Variants in SNX8 observed in about 807,000 individuals in gnomAD.
SNX8 encodes sorting nexin-8.
In SNX8, 25 loss-of-function variants were observed where a neutral mutation model predicts 51.6. The ratio of observed to expected loss-of-function variants is 0.48; its 90% CI spans 0.35 to 0.68. The LOEUF is 0.68. SNX8 is among the 30% of genes least tolerant of loss of function. The pLI is 0.00. For missense variants in SNX8, 695 were observed against 624.0 expected (o/e 1.11, Z -1.21); for synonymous variants, 324 against 277.0 (o/e 1.17, Z -1.68).
chr7:2,323,998 T>C (rs1405320406), intron 1 of SNX8, among the ~76,000 whole-genome samples: 1 of 151,886 alleles, frequency 6.6e-6, no homozygotes, highest in East Asian at 1.9e-4. Context: ...TGCATGCTTC[T>C]AGTCCCAGCT....
At chr7:2,264,575 C>T (rs1479211132) in intron 5 of SNX8, 117 bp from the exon 6 acceptor site, 7 of 875,402 alleles carry the variant, frequency 8.0e-6, no homozygotes, top group East Asian at 2.7e-5. Flanking sequence ...CCATGAGCCA[C>T]CCCGGGAGCC....
intron 1 of SNX8, among the ~76,000 whole-genome samples, chr7:2,304,326 C>T (rs886422320): frequency 1.1e-4 from 16 of 151,560 alleles, no homozygotes; most frequent in East Asian, 7.8e-4. Flanking sequence ...GGGCAGATCA[C>T]GAGGTCAGGA....
chr7:2,330,826 G>T (rs553946441), intron 1 of SNX8, among the ~76,000 whole-genome samples: 1 of 152,078 alleles, frequency 6.6e-6, no homozygotes, highest in African/African-American at 2.4e-5. Flanking sequence ...AGTGAAGCAA[G>T]AAAAAGAAAA....
At chr7:2,318,194 G>A (rs1184862806), upstream of SNX8, among the ~76,000 whole-genome samples, 1 of 152,052 alleles carries the variant, frequency 6.6e-6, no homozygotes, top group African/African-American at 2.4e-5. Context: ...TAAGGCACAG[G>A]CCACCATGCC....
chr7:2,304,115 C>T (rs1436917919), intron 1 of SNX8, among the ~76,000 whole-genome samples: 3 of 139,922 alleles, frequency 2.1e-5, no homozygotes, highest in Non-Finnish European at 3.1e-5. Context: ...TGCAGTGAGC[C>T]GAGACTGTGC....
intron 4 of SNX8, 62 bp from the exon 5 acceptor site, chr7:2,269,701 G>T: frequency 1.8e-6 from 2 of 1,137,774 alleles, no homozygotes; most frequent in Non-Finnish European, 2.6e-6. Context: ...CTGCTGTGGG[G>T]TATGGGTCAC....
chr7:2,320,747 G>C (rs951687777), intron 1 of SNX8, among the ~76,000 whole-genome samples: 6 of 151,236 alleles, frequency 4.0e-5, no homozygotes, highest in Non-Finnish European at 5.9e-5. Flanking sequence ...AAGGCCAGGC[G>C]CGGTGGCTCA....
At chr7:2,331,681 G>T (rs1778738798) in intron 1 of SNX8, among the ~76,000 whole-genome samples, 1 of 150,498 alleles carries the variant, frequency 6.6e-6, no homozygotes, top group Non-Finnish European at 1.5e-5. Flanking sequence ...CTCCAGCCTG[G>T]GCAACAGAGT....
intron 1 of SNX8, among the ~76,000 whole-genome samples, chr7:2,296,648 C>T (rs1258948287): frequency 6.6e-6 from 1 of 151,860 alleles, no homozygotes; most frequent in Non-Finnish European, 1.5e-5. Flanking sequence ...TATTTTGAAA[C>T]AGCCGGGTGT....
chr7:2,255,045 A>G lies in SNX8; in HGVS notation c.*11T>C. The G allele has an allele frequency of 6.5e-7, 1 of 1,531,554 alleles. No homozygotes were observed. Among genetic ancestry groups the G allele is most frequent in the African/African-American group, 1.4e-5 (1 of 72,994 alleles). 94.9% of individuals were successfully genotyped at this position (1,531,554 alleles called of 1,614,324 possible). A position where few individuals can be genotyped will look rare whatever the true frequency, so the allele number is the denominator to read the frequency against. ...GTGCGGCCGCAGGGAGCACCACCTCAGCCTCAGGCGCTAGTGAGGACACAG... is the reference window on the plus strand; with the variant it reads ...GTGCGGCCGCAGGGAGCACCACCTCGGCCTCAGGCGCTAGTGAGGACACAG... On this transcript the variant is annotated 3_prime_UTR_variant, in exon 11 of 11. Coordinates refer to ENST00000222990, the MANE Select transcript of SNX8 (RefSeq NM_013321.4).
intron 1 of SNX8, among the ~76,000 whole-genome samples, chr7:2,322,786 G>A (rs989281561): frequency 7.2e-5 from 11 of 151,956 alleles, no homozygotes; most frequent in African/African-American, 2.4e-4. Flanking sequence ...GGAGGCTGAA[G>A]TATGTGGATC....
intron 1 of SNX8, among the ~76,000 whole-genome samples, chr7:2,343,271 A>G (rs1778966708): frequency 6.6e-6 from 1 of 152,096 alleles, no homozygotes; most frequent in Admixed American, 6.6e-5. Context: ...TAGTATGACC[A>G]AACTGTATGA....
rs912106938 is a variant in SNX8, at chr7:2,323,527, C to G, written c.-66+30695G>C. Among the ~76,000 whole-genome samples the G allele has an allele frequency of 6.2e-4, 94 of 152,048 alleles. 1 individual carries two copies. Among genetic ancestry groups the G allele is most frequent in the African/African-American group, 2.2e-3 (90 of 41,488 alleles). ...ATGTCTGTCACCGGCATGCAGAGAC[C>G]CAGGATCACAGAGCGGCCACCATCC... On this transcript the variant is annotated intron_variant, in intron 1 of 5. Coordinates refer to the SNX8 transcript ENST00000435336.
intron 1 of SNX8, among the ~76,000 whole-genome samples, chr7:2,323,683 T>C (rs1336346931): frequency 6.6e-6 from 1 of 152,216 alleles, no homozygotes; most frequent in African/African-American, 2.4e-5. Flanking sequence ...GTGGTCTCGC[T>C]CAACCTCAGA....
intron 1 of SNX8, among the ~76,000 whole-genome samples, chr7:2,313,085 G>A (rs1422268304): frequency 6.6e-6 from 1 of 151,712 alleles, no homozygotes; most frequent in African/African-American, 2.4e-5. Flanking sequence ...ATTTTTAGTA[G>A]AGACAGGGTT....
chr7:2,316,211 C>G (rs1371290306), upstream of SNX8, among the ~76,000 whole-genome samples: 1 of 124,894 alleles, frequency 8.0e-6, no homozygotes, highest in Non-Finnish European at 1.7e-5. Context: ...ACTCACCCAC[C>G]CACTCACTCA....
intron 1 of SNX8, among the ~76,000 whole-genome samples, chr7:2,335,909 C>G (rs1475601668): frequency 1.3e-5 from 2 of 151,748 alleles, no homozygotes; most frequent in Non-Finnish European, 2.9e-5. Flanking sequence ...TAATGCCAGC[C>G]TGGCCAACAT....
intron 1 of SNX8, among the ~76,000 whole-genome samples, chr7:2,291,067 G>GA (rs1350702496): frequency 6.6e-6 from 1 of 152,120 alleles, no homozygotes; most frequent in African/African-American, 2.4e-5. Flanking sequence ...GCTGAGGCTG[G>GA]AGAGGATCAC....
At chr7:2,295,821 G>A (rs759310110) in intron 1 of SNX8, among the ~76,000 whole-genome samples, 7 of 152,002 alleles carry the variant, frequency 4.6e-5, no homozygotes, top group Admixed American at 3.3e-4. Flanking sequence ...TTTTCCTAGC[G>A]CCACTTATTA....
Sources: gnomAD v4.1 joint callset for allele counts (sites outside exome capture counted in the v4.1 genomes callset) on GRCh38, gnomAD v4.1.1 for gene constraint, MANE v1.5 for transcripts, NCBI Gene and HGNC (gene_info 2026-07-23, HGNC 2026-07-21) for gene names.